MAGI1: variants seen among roughly 807,000 people sequenced by gnomAD.
MAGI1 encodes membrane-associated guanylate kinase, WW and PDZ domain-containing protein 1.
A neutral mutation model predicts 139.9 loss-of-function variants in MAGI1; 58 were observed. The ratio of observed to expected loss-of-function variants is 0.41; its 90% confidence interval spans 0.34 to 0.52. The LOEUF (loss-of-function observed/expected upper bound fraction) is 0.52, where lower values mean the gene tolerates loss of function less well. Ranked by LOEUF, MAGI1 falls within the 20% of genes least tolerant of loss-of-function variation. The probability of loss-of-function intolerance (pLI) is 0.12; values close to 1 mark genes in which losing one functional copy is unlikely to be tolerated. For synonymous variants in MAGI1, 812 were observed against 737.9 expected (o/e 1.10, Z -1.63); for missense variants, 1,874 against 1,901.6 (o/e 0.99, Z 0.27).
At chr3:65,713,170 T>C (rs2031723863) in intron 1 of MAGI1, among the ~76,000 whole-genome samples, 1 of 152,188 alleles carries the variant, frequency 6.6e-6, no homozygotes, top group Non-Finnish European at 1.5e-5. Context: ...GCCCTGCTGT[T>C]TGTGGGCATA....
At chr3:65,454,778 G>A (rs545661987) in intron 5 of MAGI1, among the ~76,000 whole-genome samples, 5 of 148,796 alleles carry the variant, frequency 3.4e-5, no homozygotes, top group Admixed American at 6.7e-5. Flanking sequence ...ATGTATACAC[G>A]TCATATCAAC....
intron 1 of MAGI1, among the ~76,000 whole-genome samples, chr3:65,989,334 T>G (rs1384109691): frequency 1.3e-5 from 2 of 152,228 alleles, no homozygotes; most frequent in Non-Finnish European, 2.9e-5. Flanking sequence ...ATGAACTTTT[T>G]AGAAGTTCTG....
intron 1 of MAGI1, among the ~76,000 whole-genome samples, chr3:65,848,460 G>C (rs1456128601): frequency 6.6e-6 from 1 of 152,036 alleles, no homozygotes; most frequent in Non-Finnish European, 1.5e-5. Context: ...TTGCAATAAT[G>C]GGACACTTCC....
At chr3:65,783,708 G>A (rs1330515089) in intron 1 of MAGI1, among the ~76,000 whole-genome samples, 1 of 150,932 alleles carries the variant, frequency 6.6e-6, no homozygotes, top group Admixed American at 6.6e-5. Context: ...ACGTTGCCCA[G>A]GCTGGCCTCA....
chr3:65,635,083 A>C (rs2084533154), intron 1 of MAGI1, among the ~76,000 whole-genome samples: 1 of 146,766 alleles, frequency 6.8e-6, no homozygotes, highest in Non-Finnish European at 1.5e-5. Flanking sequence ...AAGTAAAATA[A>C]AATATATATA....
chr3:65,419,724 T>C (rs373577963), intron 12 of MAGI1, among the ~76,000 whole-genome samples: 2 of 152,244 alleles, frequency 1.3e-5, no homozygotes, highest in South Asian at 2.1e-4. Context: ...TCTGGGGTCA[T>C]TTTGGCTCCC....
intron 1 of MAGI1, among the ~76,000 whole-genome samples, chr3:65,748,387 T>C (rs936948472): frequency 1.2e-4 from 18 of 152,152 alleles, no homozygotes; most frequent in African/African-American, 4.3e-4. Flanking sequence ...TTGGGGATGA[T>C]TAATGCAAAG....
intron 1 of MAGI1, chr3:65,925,207 T>G (rs554527762): frequency 1.8e-4 from 27 of 152,342 alleles, no homozygotes; most frequent in African/African-American, 6.3e-4. Context: ...CCTGTTTAAG[T>G]CACCTTTAGA....
intron 1 of MAGI1, among the ~76,000 whole-genome samples, chr3:65,920,032 T>C (rs540178889): frequency 1.3e-5 from 2 of 152,226 alleles, no homozygotes; most frequent in Non-Finnish European, 2.9e-5. Flanking sequence ...CTTCTCGCAA[T>C]GACCCAGACT....
At chr3:65,479,633 C>T (rs1388538193) in intron 3 of MAGI1, among the ~76,000 whole-genome samples, 1 of 151,654 alleles carries the variant, frequency 6.6e-6, no homozygotes, top group African/African-American at 2.4e-5. Flanking sequence ...AGAAAAAAAG[C>T]AATACTTTAA....
intron 1 of MAGI1, among the ~76,000 whole-genome samples, chr3:65,966,945 G>A (rs755043162): frequency 9.2e-5 from 14 of 151,978 alleles, no homozygotes; most frequent in East Asian, 7.7e-4. Flanking sequence ...TTTAAGTGTC[G>A]TACATGTATT....
chr3:65,481,913 A>C (rs997685949), intron 3 of MAGI1, among the ~76,000 whole-genome samples: 2 of 152,224 alleles, frequency 1.3e-5, no homozygotes, highest in Non-Finnish European at 2.9e-5. Context: ...AAACAACCCA[A>C]AACAATCCAC....
At chr3:65,463,891 T>C (rs572751401) in intron 5 of MAGI1, among the ~76,000 whole-genome samples, 1 of 145,882 alleles carries the variant, frequency 6.9e-6, no homozygotes, top group East Asian at 1.9e-4. Context: ...CCATTTCTTC[T>C]AGATTTTCTA....
chr3:65,740,255 T>G (rs547075549), intron 1 of MAGI1, among the ~76,000 whole-genome samples: 38 of 152,354 alleles, frequency 2.5e-4, no homozygotes, highest in African/African-American at 9.1e-4. Context: ...CTGATAATGA[T>G]GCTAATAATA....
At chr3:65,612,403 T>C (rs909361105) in intron 2 of MAGI1, among the ~76,000 whole-genome samples, 1 of 152,116 alleles carries the variant, frequency 6.6e-6, no homozygotes, top group African/African-American at 2.4e-5. Flanking sequence ...TTGTAGCCAT[T>C]TGAGCATAAG....
At chr3:65,977,023 T>C (rs1488502464) in intron 1 of MAGI1, among the ~76,000 whole-genome samples, 1 of 152,204 alleles carries the variant, frequency 6.6e-6, no homozygotes, top group African/African-American at 2.4e-5. Context: ...TCTCAGCAGG[T>C]AATCTTTCAA....
At chr3:65,627,456 T>TGATTTGC (rs1424818783) in intron 1 of MAGI1, among the ~76,000 whole-genome samples, 1 of 149,292 alleles carries the variant, frequency 6.7e-6, no homozygotes, top group Non-Finnish European at 1.5e-5. Context: ...GATGCTCTCT[T>TGATTTGC]GATTTGCCGT....
At chr3:65,997,161 C>G (rs1054303840) in intron 1 of MAGI1, among the ~76,000 whole-genome samples, 1 of 152,060 alleles carries the variant, frequency 6.6e-6, no homozygotes, top group Non-Finnish European at 1.5e-5. Flanking sequence ...ATGTACCCAC[C>G]CTACCTCAGT....
At chr3:65,467,651 G>A (rs970132960) in intron 5 of MAGI1, among the ~76,000 whole-genome samples, 2 of 152,168 alleles carry the variant, frequency 1.3e-5, no homozygotes, top group Non-Finnish European at 2.9e-5. Flanking sequence ...CATAGTTTAG[G>A]AGGCCAGCAT....
Sources: allele counts gnomAD v4.1 joint callset (sites outside exome capture counted in the v4.1 genomes callset), GRCh38; gene constraint gnomAD v4.1.1; transcripts MANE v1.5; gene names NCBI Gene and HGNC (gene_info 2026-07-23, HGNC 2026-07-21).